The following NEK7 variants were observed in gnomAD, a reference collection of about 807,000 sequenced individuals.
NEK7 encodes serine/threonine-protein kinase Nek7.
Under a neutral mutation model 44.6 loss-of-function variants are expected in NEK7, and 18 were observed. The ratio of observed to expected loss-of-function variants is 0.40; its 90% confidence interval spans 0.28 to 0.60. The LOEUF is 0.60. Among genes scored for constraint, NEK7 ranks in the 20% least tolerant of loss-of-function variants. NEK7 has a pLI of 0.38. For missense variants in NEK7, 256 were observed against 366.5 expected (o/e 0.70, Z 2.46); for synonymous variants, 130 against 121.1 (o/e 1.07, Z -0.48).
At chr1:198,311,799 T>C (rs1655192650) in intron 9 of NEK7, among the ~76,000 whole-genome samples, 2 of 152,158 alleles carry the variant, frequency 1.3e-5, no homozygotes, top group Admixed American at 6.5e-5. Flanking sequence ...CACTTGATCA[T>C]GGTGGATAAG....
chr1:198,272,090 A>G (rs1446880966), intron 5 of NEK7, among the ~76,000 whole-genome samples: 2 of 151,424 alleles, frequency 1.3e-5, no homozygotes, highest in African/African-American at 4.8e-5. Flanking sequence ...ATAAAATATC[A>G]CTTGGGTTTT....
intron 7 of NEK7, among the ~76,000 whole-genome samples, chr1:198,281,184 T>G (rs1202563722): frequency 3.9e-5 from 6 of 152,044 alleles, no homozygotes; most frequent in Admixed American, 6.6e-5. Context: ...ATAGCAAGGA[T>G]AGAAATCCTG....
chr1:198,289,881 T>C (rs896913545), intron 7 of NEK7, among the ~76,000 whole-genome samples: 6 of 152,212 alleles, frequency 3.9e-5, no homozygotes, highest in African/African-American at 1.4e-4. Context: ...TTATGGAGTA[T>C]ATACCATATA....
intron 2 of NEK7, among the ~76,000 whole-genome samples, chr1:198,237,362 G>C (rs1666567190): frequency 6.6e-6 from 1 of 151,900 alleles, no homozygotes; most frequent in Non-Finnish European, 1.5e-5. Context: ...TTGCCTACTT[G>C]GCATCAAATT....
At chr1:198,260,584 T>C (rs2102943545) in intron 3 of NEK7, among the ~76,000 whole-genome samples, 1 of 152,202 alleles carries the variant, frequency 6.6e-6, no homozygotes, top group East Asian at 1.9e-4. Flanking sequence ...TGTACCGGCA[T>C]ACATATTTCT....
intron 1 of NEK7, among the ~76,000 whole-genome samples, chr1:198,182,693 C>T (rs1257074975): frequency 6.6e-6 from 1 of 152,038 alleles, no homozygotes; most frequent in African/African-American, 2.4e-5. Flanking sequence ...ACGTGCTAAC[C>T]ATCTACTTAT....
rs1273914229 is a variant in NEK7, at chr1:198,319,951, A to G, written c.*429A>G. On this transcript the variant is annotated 3_prime_UTR_variant, in exon 10 of 10. Coordinates refer to ENST00000367385, the MANE Select transcript of NEK7 (RefSeq NM_133494.3). ...ATTTATGGACATTGAGATGAACACA[A>G]TTGTGAACTTTTGTGAAGATTTTAT... 1 of 152,856 alleles carries G rather than the reference A, an allele frequency of 6.5e-6. No individual in the cohort carries two copies. The highest frequency in any genetic ancestry group is 2.4e-5 in the African/African-American group (1 of 41,482). The allele number at this position is 152,856 out of a possible 1,614,324, so 9.5% of individuals were successfully genotyped here.
intron 1 of NEK7, among the ~76,000 whole-genome samples, chr1:198,225,535 G>GT (rs1454334532): frequency 1.3e-5 from 2 of 152,086 alleles, no homozygotes; most frequent in Non-Finnish European, 2.9e-5. Flanking sequence ...CAAAGATAGT[G>GT]AACTTCTCTC....
intron 1 of NEK7, among the ~76,000 whole-genome samples, chr1:198,210,602 GTA>G (rs1665732845): frequency 7.1e-6 from 1 of 141,648 alleles, no homozygotes; most frequent in African/African-American, 2.7e-5. Flanking sequence ...CTGAGTAAAA[GTA>G]TATGAAAAAA....
intron 1 of NEK7, among the ~76,000 whole-genome samples, chr1:198,168,185 T>A (rs1664325793): frequency 6.6e-6 from 1 of 152,184 alleles, no homozygotes; most frequent in African/African-American, 2.4e-5. Context: ...CAAACATAGG[T>A]TCTGACACTT....
intron 1 of NEK7, among the ~76,000 whole-genome samples, chr1:198,180,899 T>C (rs923248688): frequency 2.0e-5 from 3 of 152,114 alleles, no homozygotes; most frequent in Admixed American, 1.3e-4. Flanking sequence ...TATAAAATGC[T>C]TTATAAAATG....
At chr1:198,200,628 G>C (rs1043841442) in intron 1 of NEK7, among the ~76,000 whole-genome samples, 2 of 150,104 alleles carry the variant, frequency 1.3e-5, no homozygotes, top group African/African-American at 4.9e-5. Flanking sequence ...TTGGCTAACT[G>C]CAACCTCTGC....
chr1:198,223,791 T>C (rs1666136303), intron 1 of NEK7, among the ~76,000 whole-genome samples: 1 of 152,204 alleles, frequency 6.6e-6, no homozygotes, highest in Non-Finnish European at 1.5e-5. Flanking sequence ...AAAGACTTTT[T>C]GGATGAGATT....
intron 1 of NEK7, among the ~76,000 whole-genome samples, chr1:198,164,616 A>G (rs927129474): frequency 2.6e-5 from 4 of 152,248 alleles, no homozygotes; most frequent in African/African-American, 9.6e-5. Flanking sequence ...AAAAATATAC[A>G]TAATTAAAAA....
At chr1:198,196,057 T>C (rs376174141) in intron 1 of NEK7, among the ~76,000 whole-genome samples, 7 of 152,318 alleles carry the variant, frequency 4.6e-5, no homozygotes, top group African/African-American at 1.7e-4. Context: ...ATGATTAAGA[T>C]AAAGTTAATA....
At chr1:198,268,059 CCT>C (rs1199572987) in intron 5 of NEK7, among the ~76,000 whole-genome samples, 1 of 151,950 alleles carries the variant, frequency 6.6e-6, no homozygotes, top group East Asian at 1.9e-4. Flanking sequence ...TTTCTTCCTA[CCT>C]CTCTGGAGAC....
chr1:198,247,990 T>C (rs1013753406), intron 2 of NEK7, among the ~76,000 whole-genome samples: 1 of 152,152 alleles, frequency 6.6e-6, no homozygotes, highest in Non-Finnish European at 1.5e-5. Flanking sequence ...TTTGCATTAA[T>C]AGGTCTTTAA....
intron 2 of NEK7, among the ~76,000 whole-genome samples, chr1:198,251,212 C>G (rs888703048): frequency 6.6e-5 from 10 of 151,876 alleles, no homozygotes; most frequent in Non-Finnish European, 1.3e-4. Context: ...AGCCTTGCAT[C>G]CCAGTGATGA....
chr1:198,223,119 C>T (rs1011953661), intron 1 of NEK7, among the ~76,000 whole-genome samples: 4 of 144,986 alleles, frequency 2.8e-5, no homozygotes, highest in African/African-American at 1.1e-4. Flanking sequence ...TTACAGAATT[C>T]TACTGTGTTT....
Sources: gnomAD v4.1 joint callset for allele counts (sites outside exome capture counted in the v4.1 genomes callset) on GRCh38, gnomAD v4.1.1 for gene constraint, MANE v1.5 for transcripts, NCBI Gene and HGNC (gene_info 2026-07-23, HGNC 2026-07-21) for gene names.